PDE3B: variants seen among roughly 807,000 people sequenced by gnomAD.
PDE3B encodes cGMP-inhibited 3',5'-cyclic phosphodiesterase 3B.
Under a neutral mutation model 116.8 loss-of-function variants are expected in PDE3B, and 66 were observed. That is an observed-to-expected ratio of 0.56 (90% CI 0.46 to 0.69). PDE3B has a LOEUF of 0.69. PDE3B is among the 30% of genes least tolerant of loss of function. The probability of loss-of-function intolerance (pLI) is 0.00; values close to 1 mark genes in which losing one functional copy is unlikely to be tolerated. For missense variants in PDE3B, 1,384 were observed against 1,368.1 expected (o/e 1.01, Z -0.18); for synonymous variants, 595 against 533.6 (o/e 1.12, Z -1.59).
chr11:14,742,499 G>T (rs980239163), intron 1 of PDE3B, among the ~76,000 whole-genome samples: 2 of 151,982 alleles, frequency 1.3e-5, no homozygotes, highest in Admixed American at 1.3e-4. Context: ...CTTTTTTCTA[G>T]GTTCTTAGCT....
At chr11:14,861,421 TA>T in intron 14 of PDE3B, 55 bp downstream of exon 14, 1 of 1,507,916 alleles carries the variant, frequency 6.6e-7, no homozygotes, top group Admixed American at 1.7e-5. Context: ...GAGAAGACAC[TA>T]CTCTTTGGGT....
rs78731290 is a variant in PDE3B, at chr11:14,819,150, T to C, written c.1748T>C (p.Met583Thr). 281 of 1,593,022 alleles carry C rather than the reference T, an allele frequency of 1.8e-4. No homozygotes were observed. The African/African-American group carries it at 3.4e-3, about 19-fold the overall frequency. The change falls in exon 7 of 16, where the codon ATG (methionine) becomes ACG (threonine). Residue 583 changes from methionine (M) to threonine (T), a missense_variant. Coordinates refer to ENST00000282096, the MANE Select transcript of PDE3B (RefSeq NM_000922.4). Reference protein sequence around the residue: ...SNLCNSCGHQMLKYVSTSESD... With the variant: ...SNLCNSCGHQTLKYVSTSESD... ...TATTCTATAAGCTGTGGACATCAAA[T>C]GCTGAAATATGTTTCAACATCTGAA...
chr11:14,672,210 C>G lies in PDE3B; in HGVS notation c.978+27157C>G, dbSNP rs1038568017. Among the ~76,000 whole-genome samples the G allele has an allele frequency of 4.0e-5, 6 of 151,666 alleles. No homozygotes were observed. In the East Asian group the frequency reaches 1.2e-3, roughly 29 times the overall value. On this transcript the variant is annotated intron_variant, in intron 1 of 15. Transcript: ENST00000282096. Reference sequence around the variant, plus strand: ...TCCCTTTTCTTATTATTTTAGGTAGCATTATAGCACTGTTATTAATTTTGC... The same window carrying G: ...TCCCTTTTCTTATTATTTTAGGTAGGATTATAGCACTGTTATTAATTTTGC...
chr11:14,668,392 CT>C lies in PDE3B; in HGVS notation c.978+23341del, dbSNP rs551112383. Among the ~76,000 whole-genome samples, 47 of 152,114 alleles carry C rather than the reference CT, an allele frequency of 3.1e-4. No homozygotes were observed. In the South Asian group the frequency reaches 5.4e-3, roughly 17 times the overall value. On this transcript the variant is annotated intron_variant, in intron 1 of 15. Transcript: ENST00000282096. ...ACTTTTGAATTTATAAATACCTCAC[CT>C]TATTATTCATCATATTATTTGCATT...
intron 12 of PDE3B, among the ~76,000 whole-genome samples, chr11:14,847,604 A>G (rs1180914271): frequency 1.3e-5 from 2 of 151,756 alleles, no homozygotes; most frequent in African/African-American, 2.4e-5. Flanking sequence ...CAAGACTAAT[A>G]AAGAAAAGAG....
In PDE3B at chr11:14,757,920, G is replaced by A. The variant is rs1183166879; in HGVS notation, c.979-14017G>A. Among the ~76,000 whole-genome samples the A allele has an allele frequency of 5.3e-5, 8 of 149,946 alleles. No individual in the cohort carries two copies. In the East Asian group the frequency reaches 1.2e-3, roughly 22 times the overall value. Reference sequence around the variant, plus strand: ...TGGTAATGCCTAGGTTTTCTTCTAGGGTTTTTATGGTTTTAGGTCTAACGT... The same window carrying A: ...TGGTAATGCCTAGGTTTTCTTCTAGAGTTTTTATGGTTTTAGGTCTAACGT... On this transcript the variant is annotated intron_variant, in intron 1 of 15. Coordinates refer to ENST00000282096, the MANE Select transcript of PDE3B (RefSeq NM_000922.4).
At chr11:14,864,647 A>T (rs1351610138) in intron 14 of PDE3B, among the ~76,000 whole-genome samples, 1 of 152,186 alleles carries the variant, frequency 6.6e-6, no homozygotes, top group Non-Finnish European at 1.5e-5. Flanking sequence ...TAGGAAACTC[A>T]CTCAAAACTG....
intron 12 of PDE3B, 65 bp downstream of exon 12, chr11:14,844,091 C>T: frequency 1.7e-6 from 2 of 1,158,124 alleles, no homozygotes; most frequent in South Asian, 2.5e-5. Flanking sequence ...CTGTGTATCC[C>T]TTTATAAATC....
chr11:14,875,069 G>C (rs543734609), downstream of PDE3B, among the ~76,000 whole-genome samples: 1 of 152,134 alleles, frequency 6.6e-6, no homozygotes, highest in Admixed American at 6.6e-5. Flanking sequence ...TCAGCACTTG[G>C]GGGCAAGTTC....
At chr11:14,763,527 G>T (rs765583531) in intron 1 of PDE3B, among the ~76,000 whole-genome samples, 11 of 152,058 alleles carry the variant, frequency 7.2e-5, no homozygotes, top group Non-Finnish European at 1.3e-4. Flanking sequence ...TGAGATGTGA[G>T]AAACTGCAGC....
At chr11:14,721,798 G>A (rs1248949337) in intron 1 of PDE3B, among the ~76,000 whole-genome samples, 2 of 81,256 alleles carry the variant, frequency 2.5e-5, no homozygotes, top group Non-Finnish European at 4.6e-5. Flanking sequence ...GGGGGGAGGG[G>A]TAGCATTGGG....
chr11:14,658,620 G>A (rs1853791594), intron 1 of PDE3B, among the ~76,000 whole-genome samples: 1 of 152,192 alleles, frequency 6.6e-6, no homozygotes, highest in Admixed American at 6.5e-5. Flanking sequence ...CTCCCAAAGT[G>A]CTGAGATTAC....
At position 14,843,854 on chromosome 11, in the gene PDE3B, G is replaced by A. The variant is rs138445985; in HGVS notation, c.2348G>A (p.Arg783Gln). Reference protein sequence around the residue: ...TDSDGRINHGRIAYISSKSCS... With the variant: ...TDSDGRINHGQIAYISSKSCS... ...TCTGATGGTAGAATTAACCATGGGC[G>A]AATTGCTTATATTTCTTCGAAGAGC... Residue 783 changes from arginine to glutamine, a missense_variant, in exon 12 of 16, where the codon CGA becomes CAA. Arg to Gln is a conservative substitution (Grantham distance 43). Around this residue, in one of 2 missense-constraint regions of PDE3B, gnomAD observed 428 missense variants for 561.4 expected, o/e 0.76. Transcript: ENST00000282096. 232 of 1,613,732 alleles carry A rather than the reference G, an allele frequency of 1.4e-4. No homozygotes were observed. In the African/African-American group the frequency reaches 2.4e-3, roughly 17 times the overall value.
At chr11:14,769,661 T>TATA in intron 1 of PDE3B, among the ~76,000 whole-genome samples, 1 of 147,480 alleles carries the variant, frequency 6.8e-6, no homozygotes, top group East Asian at 1.9e-4. Context: ...ATATTAAATA[T>TATA]TATATATACA....
At chr11:14,654,827 CACACAG>C (rs1357268169) in intron 1 of PDE3B, among the ~76,000 whole-genome samples, 1 of 148,268 alleles carries the variant, frequency 6.7e-6, no homozygotes, top group Non-Finnish European at 1.5e-5. Context: ...CACACACACA[CACACAG>C]AGCTAGTGCA....
intron 5 of PDE3B, among the ~76,000 whole-genome samples, chr11:14,811,057 T>G (rs1447245736): frequency 6.6e-6 from 1 of 152,256 alleles, no homozygotes; most frequent in African/African-American, 2.4e-5. Flanking sequence ...CATCATAGAT[T>G]CTGGATATTA....
chr11:14,829,489 A>G (rs1859804056), intron 7 of PDE3B, among the ~76,000 whole-genome samples: 1 of 152,202 alleles, frequency 6.6e-6, no homozygotes, highest in Non-Finnish European at 1.5e-5. Flanking sequence ...GGCAAAGAAA[A>G]GAAGATGTAG....
At chr11:14,830,244 A>G (rs1859833416) in intron 7 of PDE3B, among the ~76,000 whole-genome samples, 1 of 152,182 alleles carries the variant, frequency 6.6e-6, no homozygotes, top group African/African-American at 2.4e-5. Context: ...ATTTGAGAAA[A>G]GAAATTATTA....
At chr11:14,811,232 A>C (rs943109952) in intron 5 of PDE3B, among the ~76,000 whole-genome samples, 1 of 151,930 alleles carries the variant, frequency 6.6e-6, no homozygotes, top group Non-Finnish European at 1.5e-5. Context: ...TTTAGACATG[A>C]AGTCCTTGCC....
Sources: gnomAD v4.1 joint callset for allele counts (sites outside exome capture counted in the v4.1 genomes callset) on GRCh38, gnomAD v4.1.1 for gene constraint, gnomAD v4.1.1 regional missense constraint, MANE v1.5 for transcripts, NCBI Gene and HGNC (gene_info 2026-07-23, HGNC 2026-07-21) for gene names.